CDC73: variants seen among roughly 807,000 people sequenced by gnomAD.
The protein encoded by CDC73 is cell division cycle 73, also known as parafibromin.
CDC73 carries 21 observed loss-of-function variants against 83.7 expected under a neutral mutation model. The observed-to-expected ratio is 0.25, with a 90% CI of 0.18 to 0.36. The LOEUF (loss-of-function observed/expected upper bound fraction) is 0.36, where lower values mean the gene tolerates loss of function less well. Ranked by LOEUF, CDC73 falls within the 10% of genes least tolerant of loss-of-function variation. The pLI, the probability that CDC73 is intolerant of heterozygous loss-of-function variation, is 1.00. For synonymous variants in CDC73, 224 were observed against 212.9 expected, an observed-to-expected ratio of 1.05 and a Z score of -0.45; for missense variants, 342 against 653.3, an observed-to-expected ratio of 0.52 and a Z score of 5.19.
At chr1:193,213,983 A>T (rs2102040001) in intron 13 of CDC73, among the ~76,000 whole-genome samples, 1 of 152,354 alleles carries the variant, frequency 6.6e-6, no homozygotes, top group East Asian at 1.9e-4. Flanking sequence ...CCCCTGCTCC[A>T]GAGGTAGAGC....
rs1001791306 is a variant in CDC73, at chr1:193,249,776, T to C, written c.1464T>C (p.Asn488=). Residue 488 remains asparagine, a synonymous_variant, in exon 16 of 17, where the codon AAT becomes AAC. Coordinates refer to ENST00000367435, the MANE Select transcript of CDC73 (RefSeq NM_024529.5). ...LKYDEVRLDP[N]VQKWDVTVLE... is the part of the protein sequence containing the mutation. ...ATGATGAAGTTCGTCTGGATCCAAA[T>C]GTTCAGAAATGGGATGTAACAGTAT... is the stretch of plus-strand genomic sequence containing the variant. 1.9e-6 allele frequency: 3 copies of C among 1,610,364 alleles called. No individual in the cohort carries two copies. The highest frequency in any genetic ancestry group is 2.7e-5 in the African/African-American group (2 of 74,798).
intron 10 of CDC73, among the ~76,000 whole-genome samples, chr1:193,189,296 C>G (rs1027117100): frequency 6.6e-6 from 1 of 152,066 alleles, no homozygotes; most frequent in Non-Finnish European, 1.5e-5. Flanking sequence ...AAGAACTTTA[C>G]GTAAAGTTCA....
At chr1:193,157,612 G>A (rs1003502244) in intron 10 of CDC73, among the ~76,000 whole-genome samples, 1 of 152,174 alleles carries the variant, frequency 6.6e-6, no homozygotes, top group Non-Finnish European at 1.5e-5. Context: ...CTTTAGATAA[G>A]AGGTTTTCTC....
intron 10 of CDC73, among the ~76,000 whole-genome samples, chr1:193,198,382 A>G (rs1029309325): frequency 4.6e-5 from 7 of 152,200 alleles, no homozygotes; most frequent in Non-Finnish European, 7.3e-5. Context: ...TGCCCTGTAA[A>G]AGGGCTGGAG....
At chr1:193,135,499 C>T in intron 4 of CDC73, 38 bp from the exon 5 acceptor site, 1 of 1,609,870 alleles carries the variant, frequency 6.2e-7, no homozygotes, top group South Asian at 1.1e-5. Context: ...AAGCCCATTC[C>T]AAAACTACAC....
At chr1:193,247,556 G>GT (rs1677975417) in intron 15 of CDC73, among the ~76,000 whole-genome samples, 1 of 152,070 alleles carries the variant, frequency 6.6e-6, no homozygotes, top group Non-Finnish European at 1.5e-5. Flanking sequence ...AGGAAGGCAT[G>GT]TCAAAAGCTG....
At chr1:193,144,784 A>T (rs1013428328) in intron 7 of CDC73, among the ~76,000 whole-genome samples, 9 of 151,076 alleles carry the variant, frequency 6.0e-5, no homozygotes, top group Middle Eastern at 3.5e-3. Flanking sequence ...TTATTTAAGT[A>T]ACTGTTATTC....
At chr1:193,135,196 C>T (rs1472322743) in intron 3 of CDC73, among the ~76,000 whole-genome samples, 195 bp from the exon 4 acceptor site, 1 of 152,080 alleles carries the variant, frequency 6.6e-6, no homozygotes, top group African/African-American at 2.4e-5. Flanking sequence ...AATAGTTTGT[C>T]CTCTTAGAGA....
intron 10 of CDC73, among the ~76,000 whole-genome samples, chr1:193,153,486 G>A (rs1003927056): frequency 2.0e-5 from 3 of 151,854 alleles, no homozygotes; most frequent in Non-Finnish European, 2.9e-5. Flanking sequence ...AGATCTTTAC[G>A]GACTCTATAT....
intron 10 of CDC73, among the ~76,000 whole-genome samples, chr1:193,175,605 TGA>T (rs551164098): frequency 3.3e-5 from 5 of 152,272 alleles, no homozygotes; most frequent in Admixed American, 6.5e-5. Flanking sequence ...GACTTTTGTG[TGA>T]GTTATTTTTT....
At chr1:193,155,198 G>A (rs1676185652) in intron 10 of CDC73, among the ~76,000 whole-genome samples, 1 of 152,172 alleles carries the variant, frequency 6.6e-6, no homozygotes, top group Non-Finnish European at 1.5e-5. Flanking sequence ...AGAATCATGG[G>A]TTAGTGAAAG....
chr1:193,215,592 G>GTTT (rs780470013), intron 13 of CDC73, among the ~76,000 whole-genome samples: 5 of 141,450 alleles, frequency 3.5e-5, no homozygotes, highest in South Asian at 2.3e-4. Context: ...ATTAACACAG[G>GTTT]TTTTTTTTTT....
intron 10 of CDC73, among the ~76,000 whole-genome samples, chr1:193,178,390 T>A (rs1243336223): frequency 2.6e-5 from 4 of 152,164 alleles, no homozygotes; most frequent in African/African-American, 9.6e-5. Context: ...CATGAGTCAT[T>A]TTTTAAAAAA....
intron 3 of CDC73, among the ~76,000 whole-genome samples, chr1:193,132,711 T>A (rs553987855): frequency 6.6e-6 from 1 of 152,108 alleles, no homozygotes; most frequent in East Asian, 1.9e-4. Flanking sequence ...AATAGTGGTT[T>A]TTTTTGTTTG....
rs1351917366 is a variant in CDC73 at position 193,252,095 on chromosome 1, C to T, written c.*1383C>T. ...GAAGTTATTATTTTTTAAGTGATCA[C>T]ATAGTTCATACCACTAGTAACTAGA... On this transcript the variant is annotated 3_prime_UTR_variant, in exon 17 of 17. Transcript: ENST00000367435. 1 of 231,078 alleles carries T rather than the reference C, an allele frequency of 4.3e-6. No individual in the cohort carries two copies. The highest frequency in any genetic ancestry group is 8.6e-6 in the Non-Finnish European group (1 of 116,746). The allele number at this position is 231,078 out of a possible 1,614,324, so 14.3% of individuals were successfully genotyped here. A position where few individuals can be genotyped will look rare whatever the true frequency, so the allele number is the denominator to read the frequency against.
chr1:193,158,938 A>G (rs1425592399), intron 10 of CDC73, among the ~76,000 whole-genome samples: 2 of 108,436 alleles, frequency 1.8e-5, no homozygotes, highest in African/African-American at 3.1e-5. Flanking sequence ...CCGTATTAAC[A>G]TATTATCTGT....
chr1:193,238,588 A>G (rs1435829395), intron 15 of CDC73, among the ~76,000 whole-genome samples: 2 of 152,164 alleles, frequency 1.3e-5, no homozygotes, highest in African/African-American at 4.8e-5. Context: ...ACCCTTCAAT[A>G]TCATGCAGTT....
intron 13 of CDC73, 120 bp downstream of exon 13, chr1:193,212,597 C>A: frequency 3.4e-6 from 2 of 588,302 alleles, no homozygotes; most frequent in Non-Finnish European, 6.2e-6. Flanking sequence ...GTGCTATAGG[C>A]CTTACACATA....
intron 7 of CDC73, among the ~76,000 whole-genome samples, chr1:193,145,104 A>G (rs969826466): frequency 2.6e-5 from 4 of 152,234 alleles, no homozygotes; most frequent in Non-Finnish European, 5.9e-5. Flanking sequence ...TATTTGGAAA[A>G]TGTGCATAAT....
Sources: allele counts gnomAD v4.1 joint callset (sites outside exome capture counted in the v4.1 genomes callset), GRCh38; gene constraint gnomAD v4.1.1; transcripts MANE v1.5; gene names NCBI Gene and HGNC (gene_info 2026-07-23, HGNC 2026-07-21).